The following CSMD1 variants were observed in gnomAD, a reference collection of about 807,000 sequenced individuals.
CSMD1 encodes the protein CUB and Sushi multiple domains 1, also known as CUB and sushi domain-containing protein 1.
CSMD1 carries 213 observed loss-of-function variants against 417.5 expected under a neutral mutation model. The observed-to-expected ratio is 0.51, with a 90% CI of 0.46 to 0.57. The LOEUF (loss-of-function observed/expected upper bound fraction) is 0.57. Among genes scored for constraint, CSMD1 ranks in the 20% least tolerant of loss-of-function variants. The pLI, the probability that CSMD1 is intolerant of heterozygous loss-of-function variation, is 0.00. For synonymous variants in CSMD1, 2,862 were observed against 1,736.8 expected (o/e 1.65, Z -16.11); for missense variants, 6,923 against 4,529.7 (o/e 1.53, Z -15.17).
At chr8:3,147,215 T>A (rs1488718269) in intron 40 of CSMD1, among the ~76,000 whole-genome samples, 1 of 152,194 alleles carries the variant, frequency 6.6e-6, no homozygotes, top group Non-Finnish European at 1.5e-5. Flanking sequence ...AACGATTTTT[T>A]CTTTTTTCTT....
rs138656717 is a variant in CSMD1, at chr8:4,166,710, A to T, written c.416-134611T>A. Among the ~76,000 whole-genome samples the T allele has an allele frequency of 1.1e-3, 162 of 152,278 alleles. 1 individual carries two copies. Among genetic ancestry groups the T allele is most frequent in the African/African-American group, 3.8e-3 (156 of 41,544 alleles). On this transcript the variant is annotated intron_variant, in intron 3 of 69. Coordinates refer to ENST00000635120, the MANE Select transcript of CSMD1 (RefSeq NM_033225.6). The stretch of plus-strand genomic sequence containing the variant: ...ATCAAGAAAATCAGCTCTAAAGAAC[A>T]TATCTATGTAACCCAAAACCACCTA...
At chr8:4,681,668 A>T (rs1806060964) in intron 1 of CSMD1, among the ~76,000 whole-genome samples, 1 of 152,144 alleles carries the variant, frequency 6.6e-6, no homozygotes, top group Non-Finnish European at 1.5e-5. Flanking sequence ...GCTCTCATAC[A>T]TCCCCCCTTT....
intron 6 of CSMD1, among the ~76,000 whole-genome samples, chr8:3,709,694 T>TGC (rs1801393586): frequency 1.6e-5 from 2 of 121,808 alleles, no homozygotes; most frequent in South Asian, 3.2e-4. Context: ...TTTTTTTTTT[T>TGC]TTTTTTTTTT....
At chr8:3,237,356 A>C (rs1799213389) in intron 26 of CSMD1, among the ~76,000 whole-genome samples, 1 of 151,470 alleles carries the variant, frequency 6.6e-6, no homozygotes, top group Non-Finnish European at 1.5e-5. Context: ...AATCTCAGCT[A>C]CTCGGGAGGC....
chr8:4,192,958 T>A (rs551372961), intron 3 of CSMD1, among the ~76,000 whole-genome samples: 2 of 152,344 alleles, frequency 1.3e-5, no homozygotes, highest in South Asian at 4.1e-4. Flanking sequence ...ACCCTTCCTA[T>A]TTTCATAATA....
intron 10 of CSMD1, among the ~76,000 whole-genome samples, chr8:3,516,155 C>G (rs1408679561): frequency 6.6e-6 from 1 of 152,170 alleles, no homozygotes; most frequent in Non-Finnish European, 1.5e-5. Flanking sequence ...ATTTTGATTT[C>G]AAAGACAATA....
intron 7 of CSMD1, among the ~76,000 whole-genome samples, chr8:3,643,985 G>A (rs545293073): frequency 2.0e-5 from 3 of 152,234 alleles, no homozygotes; most frequent in South Asian, 4.1e-4. Flanking sequence ...AAGAGAACAC[G>A]GTGAATTCAT....
In CSMD1 at chr8:3,911,465, C is replaced by T. The variant is rs528175410; in HGVS notation, c.818+86438G>A. 1.1e-4 allele frequency among the ~76,000 whole-genome samples: 17 copies of T among 151,042 alleles called. No homozygotes were observed. In the South Asian group the frequency reaches 1.9e-3, roughly 17 times the overall value. ...ATGGCGTGAACCCGCGAGGCGGAGC[C>T]TGCAGTGAGCCAAGATTGCGCCACT... On this transcript the variant is annotated intron_variant, in intron 5 of 69. Transcript: ENST00000635120.
rs1483617659 is a variant in CSMD1 at position 3,922,508 on chromosome 8, C to T, written c.818+75395G>A. ...ATTTGATAATTTTTGTATTCATAGG[C>T]TTTGATTCTTTTCTATTTATTTTTT... On this transcript the variant is annotated intron_variant, in intron 5 of 69. Transcript: ENST00000635120. Among the ~76,000 whole-genome samples, 8 of 151,908 alleles carry T rather than the reference C, an allele frequency of 5.3e-5. No homozygotes were observed. In the East Asian group the frequency reaches 1.5e-3, roughly 29 times the overall value.
chr8:4,788,499 T>C lies in CSMD1; in HGVS notation c.86-150941A>G, dbSNP rs1797527275. ...CAGATATTTGGGGTAGACAACCATT[T>C]AGTATGGAGCAAACTGTGAGCAAGC... is the stretch of plus-strand genomic sequence containing the variant. On this transcript the variant is annotated intron_variant, in intron 1 of 69. Coordinates refer to ENST00000635120, the MANE Select transcript of CSMD1 (RefSeq NM_033225.6). 24 of 1,358,960 alleles carry C rather than the reference T, an allele frequency of 1.8e-5. No individual in the cohort carries two copies. The South Asian group carries it at 2.7e-4, about 15-fold the overall frequency. The allele number at this position is 1,358,960 out of a possible 1,614,324, so 84.2% of individuals were successfully genotyped here.
At chr8:4,960,946 A>C (rs1214725661) in intron 1 of CSMD1, among the ~76,000 whole-genome samples, 1 of 152,088 alleles carries the variant, frequency 6.6e-6, no homozygotes. Context: ...TTCACTGCAC[A>C]TTTTTAAACA....
At chr8:4,507,732 G>A (rs940009178) in intron 2 of CSMD1, among the ~76,000 whole-genome samples, 2 of 152,118 alleles carry the variant, frequency 1.3e-5, no homozygotes, top group Non-Finnish European at 2.9e-5. Context: ...AAGCTAAGAG[G>A]TAGATCAGTT....
intron 49 of CSMD1, among the ~76,000 whole-genome samples, chr8:3,054,860 A>G (rs972529893): frequency 1.3e-5 from 2 of 152,130 alleles, no homozygotes; most frequent in African/African-American, 4.8e-5. Flanking sequence ...GAAGCAACAG[A>G]TCTGTGGGAA....
intron 5 of CSMD1, among the ~76,000 whole-genome samples, chr8:3,771,086 T>C (rs1584971663): frequency 6.6e-6 from 1 of 151,822 alleles, no homozygotes; most frequent in Non-Finnish European, 1.5e-5. Flanking sequence ...GTCTTGGGGG[T>C]ATTGTATTCT....
intron 5 of CSMD1, among the ~76,000 whole-genome samples, chr8:3,926,026 C>CAAACACCATAT (rs1809643711): frequency 1.6e-5 from 2 of 125,330 alleles, no homozygotes; most frequent in Admixed American, 8.5e-5. Flanking sequence ...CACACACACA[C>CAAACACCATAT]ACACACACAC....
At chr8:4,201,869 C>G (rs1175746896) in intron 3 of CSMD1, among the ~76,000 whole-genome samples, 1 of 113,340 alleles carries the variant, frequency 8.8e-6, no homozygotes, top group Admixed American at 1.1e-4. Flanking sequence ...CAGTGATGAC[C>G]ATTATACATG....
chr8:4,043,446 T>A (rs761564614), intron 3 of CSMD1, among the ~76,000 whole-genome samples: 1 of 152,182 alleles, frequency 6.6e-6, no homozygotes, highest in Non-Finnish European at 1.5e-5. Context: ...CACATCATGA[T>A]AATGGATGAA....
intron 3 of CSMD1, among the ~76,000 whole-genome samples, chr8:4,130,859 C>T (rs199623832): frequency 6.6e-6 from 1 of 151,000 alleles, no homozygotes; most frequent in Admixed American, 6.6e-5. Flanking sequence ...TATTATTTAA[C>T]TTAGAAAGAG....
chr8:4,779,154 G>A (rs956998114), intron 1 of CSMD1, among the ~76,000 whole-genome samples: 1 of 152,162 alleles, frequency 6.6e-6, no homozygotes, highest in African/African-American at 2.4e-5. Flanking sequence ...ATTAACTGAA[G>A]TCTTCGGTTT....
Sources: allele counts gnomAD v4.1 joint callset (sites outside exome capture counted in the v4.1 genomes callset), GRCh38; gene constraint gnomAD v4.1.1; transcripts MANE v1.5; gene names NCBI Gene and HGNC (gene_info 2026-07-23, HGNC 2026-07-21).